The following NAT16 variants were observed in gnomAD, a reference collection of about 807,000 sequenced individuals.
The protein encoded by NAT16 is N-acetyltransferase 16 (putative), also known as probable N-acetyltransferase 16.
Under a neutral mutation model 15.9 loss-of-function variants are expected in NAT16, and 16 were observed. The observed-to-expected ratio is 1.01, with a 90% CI of 0.68 to 1.53. The LOEUF is 1.53. Among genes scored for constraint, NAT16 ranks in the 40% most tolerant of loss-of-function variants. The pLI is 0.00. For missense variants in NAT16, 572 were observed against 508.4 expected (o/e 1.13, Z -1.20); for synonymous variants, 260 against 241.9 (o/e 1.07, Z -0.69).
Position 101,172,640 on chromosome 7 carries a change from CA to C in NAT16, c.548del (p.Leu183TrpfsTer174), listed in dbSNP as rs1322902549. 5 of 1,515,294 alleles carry C rather than the reference CA, an allele frequency of 3.3e-6. No individual in the cohort carries two copies. The highest frequency in any genetic ancestry group is 2.9e-5 in the African/African-American group (2 of 69,524). 93.9% of individuals were successfully genotyped at this position (1,515,294 alleles called of 1,614,324 possible). On this transcript the variant is annotated frameshift_variant, in exon 4 of 4. Coordinates refer to ENST00000300303, the MANE Select transcript of NAT16 (RefSeq NM_198571.3). LOFTEE classifies it low-confidence loss of function (END_TRUNC). The surrounding 1 kb of genome is among the most constrained non-coding windows in gnomAD (Gnocchi z 4.2). ...GCAGCGCGGACGCGTTGAATCGGAC[CA>C]AAAGGATGCCCTGCGGGGGGCACGA... ...YRLITKQGIL[L>X]VRFNASALLA... is the part of the protein sequence containing the mutation.
rs193287099 is a variant in NAT16 at position 101,173,755 on chromosome 7, G to T, written c.313-235C>A. 23 of 531,392 alleles carry T rather than the reference G, an allele frequency of 4.3e-5. No homozygotes were observed. The East Asian group carries it at 7.1e-4, about 16-fold the overall frequency. The allele number at this position is 531,392 out of a possible 1,614,324, so 32.9% of individuals were successfully genotyped here. A position where few individuals can be genotyped will look rare whatever the true frequency, so the allele number is the denominator to read the frequency against. On this transcript the variant is annotated intron_variant, in intron 2 of 3. Coordinates refer to ENST00000300303, the MANE Select transcript of NAT16 (RefSeq NM_198571.3). ...TTATTTATTTTAAATTTAGGACAGG[G>T]TCTCCTCACCCAGGCTGGAGCGCAG...
Position 101,174,690 on chromosome 7 carries a change from G to A in NAT16, c.118C>T (p.Pro40Ser), listed in dbSNP as rs1323341352. 6.2e-7 allele frequency: 1 copy of A among 1,613,694 alleles called. No homozygotes were observed. Among genetic ancestry groups the A allele is most frequent in the Non-Finnish European group, 8.5e-7 (1 of 1,180,008 alleles). ...ETRPQEVEAEPRSGSGPEAEA... is the reference protein window; with the variant it reads ...ETRPQEVEAESRSGSGPEAEA... ...GCCTCAGGCCCCGATCCCGACCTGG[G>A]CTCGGCCTCCACCTCCTGTGGCCGG... Residue 40 changes from proline to serine, a missense_variant, in exon 2 of 4, where the codon CCC becomes TCC. Transcript: ENST00000300303.
chr7:101,174,112 G>T (rs572482166), intron 2 of NAT16: 80 of 295,630 alleles, frequency 2.7e-4, no homozygotes, highest in Middle Eastern at 1.8e-3. Flanking sequence ...CTCCTCCCCC[G>T]GGAGTTTGCC....
chr7:101,174,765 G>A lies in NAT16; in HGVS notation c.43C>T (p.Pro15Ser). 6.3e-7 allele frequency: 1 copy of A among 1,591,836 alleles called. No homozygotes were observed. The highest frequency in any genetic ancestry group is 8.5e-7 in the Non-Finnish European group (1 of 1,170,456). ...ASCGTATSEVPKPEKKTARDA... is the reference protein window; with the variant it reads ...ASCGTATSEVSKPEKKTARDA... ...CGGGCAGTCTTCTTTTCCGGCTTAG[G>A]GACCTCTGAGGTGGCTGTGCCACAG... The change falls in exon 2 of 4, where the codon CCT becomes TCT. Residue 15 changes from proline (P) to serine (S), a missense_variant. By Grantham distance (74) the Pro-to-Ser change is moderately conservative (BLOSUM62 -1). Transcript: ENST00000300303.
chr7:101,174,490 G>A lies in NAT16; in HGVS notation c.312+6C>T. ...CATGTCACCTGGGCCGTGCCCCCGG[G>A]CTCACCACGCCTCCGTTGCGCTTGG... On this transcript the variant is annotated splice_donor_region_variant and intron_variant, in intron 2 of 3. Coordinates refer to ENST00000300303, the MANE Select transcript of NAT16 (RefSeq NM_198571.3). The A allele has an allele frequency of 6.2e-7, 1 of 1,607,040 alleles. No homozygotes were observed. Among genetic ancestry groups the A allele is most frequent in the Non-Finnish European group, 8.5e-7 (1 of 1,177,052 alleles).
intron 1 of NAT16, among the ~76,000 whole-genome samples, chr7:101,177,011 G>A (rs534414728): frequency 9.9e-5 from 15 of 152,182 alleles, no homozygotes; most frequent in African/African-American, 3.4e-4. Context: ...GCCTAAACGC[G>A]GTATGCTTGC....
At position 101,172,590 on chromosome 7, in the gene NAT16, G is replaced by A. The variant is rs1286871088; in HGVS notation, c.599C>T (p.Ala200Val). The change falls in exon 4 of 4, where the codon GCG becomes GTG. Residue 200 changes from alanine (A) to valine (V), a missense_variant. By Grantham distance (64) the Ala-to-Val change is moderately conservative (BLOSUM62 0). Transcript: ENST00000300303. The surrounding 1 kb of genome is among the most constrained non-coding windows in gnomAD (Gnocchi z 4.2). ...GAAGGTGCCAGAGGTCCGCAGCGCCGCCAGCCGCGCGCCCAGCCCGGCCAG... is the reference window on the plus strand; with the variant it reads ...GAAGGTGCCAGAGGTCCGCAGCGCCACCAGCCGCGCGCCCAGCCCGGCCAG... ...ALLAGLGARL[A>V]ALRTSGTFSP... The A allele has an allele frequency of 2.0e-6, 3 of 1,527,424 alleles. No individual in the cohort carries two copies. Among genetic ancestry groups the A allele is most frequent in the Non-Finnish European group, 2.6e-6 (3 of 1,146,020 alleles). The allele number at this position is 1,527,424 out of a possible 1,614,324, so 94.6% of individuals were successfully genotyped here. A position where few individuals can be genotyped will look rare whatever the true frequency, so the allele number is the denominator to read the frequency against.
chr7:101,172,306 G>C lies in NAT16; in HGVS notation c.883C>G (p.Arg295Gly). ...CCGAAGGCGTCGATGTTGAGATAGC[G>C]CCAAGTGCCGTCCCCTCCGTGCGGG... is the stretch of plus-strand genomic sequence containing the variant. ...PIPHGGDGTW[R>G]YLNIDAFGSD... Residue 295 changes from arginine to glycine, a missense_variant, in exon 4 of 4, where the codon CGC (arginine) becomes GGC (glycine). Physicochemically the swap from Arg to Gly is moderately radical, Grantham distance 125 (BLOSUM62 -2). Transcript: ENST00000300303. The surrounding 1 kb of genome is among the most constrained non-coding windows in gnomAD (Gnocchi z 4.2). 1.2e-6 allele frequency: 2 copies of C among 1,610,710 alleles called. No individual in the cohort carries two copies. The highest frequency in any genetic ancestry group is 1.7e-6 in the Non-Finnish European group (2 of 1,179,056).
intron 1 of NAT16, among the ~76,000 whole-genome samples, chr7:101,175,885 G>T (rs1382466158): frequency 6.0e-5 from 9 of 148,874 alleles, no homozygotes; most frequent in African/African-American, 2.2e-4. Flanking sequence ...TCACACCACC[G>T]CACTCCAGCC....
At chr7:101,178,297 G>T (rs1339778849) in intron 1 of NAT16, among the ~76,000 whole-genome samples, 1 of 152,120 alleles carries the variant, frequency 6.6e-6, no homozygotes, top group Non-Finnish European at 1.5e-5. Context: ...CCATTTTGGG[G>T]GACATGAACA....
rs1797362651 is a variant in NAT16 at position 101,172,790 on chromosome 7, G to A, written c.538-139C>T. On this transcript the variant is annotated intron_variant, in intron 3 of 3. Transcript: ENST00000300303. This position sits in a 1 kb window ranked among gnomAD's most constrained non-coding sequence, Gnocchi z 4.2. ...GTCCCTCTGGAGGAGCGACCGTGAGGGCTCCGGGCCGAGTGGGGTATGGGA... is the reference window on the plus strand; with the variant it reads ...GTCCCTCTGGAGGAGCGACCGTGAGAGCTCCGGGCCGAGTGGGGTATGGGA... 4.4e-6 allele frequency: 3 copies of A among 687,422 alleles called. No homozygotes were observed. The highest frequency in any genetic ancestry group is 2.0e-5 in the South Asian group (1 of 49,448). The allele number at this position is 687,422 out of a possible 1,614,324, so 42.6% of individuals were successfully genotyped here.
Position 101,171,432 on chromosome 7 carries a change from G to T in NAT16, c.*647C>A, listed in dbSNP as rs1441493541. 2.6e-5 allele frequency: 4 copies of T among 152,616 alleles called. No homozygotes were observed. Among genetic ancestry groups the T allele is most frequent in the Non-Finnish European group, 5.9e-5 (4 of 68,236 alleles). 9.5% of individuals were successfully genotyped at this position (152,616 alleles called of 1,614,324 possible). ...GGAAGGAAAACAGGGACAGAAAAATGGGCACTGCGGTGTTAAGCGTCGTAG... is the reference window on the plus strand; with the variant it reads ...GGAAGGAAAACAGGGACAGAAAAATTGGCACTGCGGTGTTAAGCGTCGTAG... On this transcript the variant is annotated 3_prime_UTR_variant, in exon 4 of 4. Coordinates refer to ENST00000300303, the MANE Select transcript of NAT16 (RefSeq NM_198571.3).
At chr7:101,174,211 C>T (rs1460489566) in intron 2 of NAT16, 1 of 516,000 alleles carries the variant, frequency 1.9e-6, no homozygotes, top group African/African-American at 1.9e-5. Flanking sequence ...TCCTGCTCCC[C>T]ACCTCCTTTG....
chr7:101,173,534 C>T lies in NAT16; in HGVS notation c.313-14G>A. On this transcript the variant is annotated splice_polypyrimidine_tract_variant and intron_variant, in intron 2 of 3. Transcript: ENST00000300303. ...CTCCAGCGCGATCTGCGGACCGAGG[C>T]CGTTAGCGCGGGGCCCTCCCCGCCT... 1 of 1,560,640 alleles carries T rather than the reference C, an allele frequency of 6.4e-7. No individual in the cohort carries two copies. The highest frequency in any genetic ancestry group is 8.7e-7 in the Non-Finnish European group (1 of 1,153,650).
chr7:101,173,388 T>C lies in NAT16; in HGVS notation c.445A>G (p.Arg149Gly), dbSNP rs569010209. 36 of 1,613,984 alleles carry C rather than the reference T, an allele frequency of 2.2e-5. No homozygotes were observed. The East Asian group carries it at 7.4e-4, about 33-fold the overall frequency. ...LQRFCSQLVKRQHPGVKVARL... is the reference protein window; with the variant it reads ...LQRFCSQLVKGQHPGVKVARL... ...GCCACCTTGACCCCCGGGTGCTGTC[T>C]CTTGACCAGCTGCGAGCAGAAGCGC... Residue 149 changes from arginine (R) to glycine (G), a missense_variant, in exon 3 of 4, where the codon AGA (arginine) becomes GGA (glycine). Transcript: ENST00000300303.
chr7:101,174,472 C>G, intron 2 of NAT16, 24 bp downstream of exon 2: 2 of 1,592,728 alleles, frequency 1.3e-6, no homozygotes, highest in African/African-American at 2.7e-5. Flanking sequence ...CCCCATGTCA[C>G]CTGGGCCGTG....
intron 1 of NAT16, among the ~76,000 whole-genome samples, chr7:101,175,451 G>A (rs1797443343): frequency 6.6e-6 from 1 of 151,660 alleles, no homozygotes; most frequent in Non-Finnish European, 1.5e-5. Context: ...GGGAGTGGAG[G>A]TCTCCCAGCT....
chr7:101,173,153 G>A (rs560275079), intron 3 of NAT16, 143 bp downstream of exon 3: 6 of 745,206 alleles, frequency 8.1e-6, no homozygotes, highest in African/African-American at 5.2e-5. Context: ...TAAGGACTGG[G>A]AGTCCCAGGG....
rs777970646 is a variant in NAT16, at chr7:101,173,553, C to G, written c.313-33G>C. 6.0e-6 allele frequency: 9 copies of G among 1,509,622 alleles called. No individual in the cohort carries two copies. The South Asian group carries it at 6.4e-5, about 11-fold the overall frequency. The allele number at this position is 1,509,622 out of a possible 1,614,324, so 93.5% of individuals were successfully genotyped here. ...CCGAGGCCGTTAGCGCGGGGCCCTCCCCGCCTGCGCCCCTGCCAGGGCTGT... is the reference window on the plus strand; with the variant it reads ...CCGAGGCCGTTAGCGCGGGGCCCTCGCCGCCTGCGCCCCTGCCAGGGCTGT... On this transcript the variant is annotated intron_variant, in intron 2 of 3. Coordinates refer to ENST00000300303, the MANE Select transcript of NAT16 (RefSeq NM_198571.3).
Sources: gnomAD v4.1 joint callset for allele counts (sites outside exome capture counted in the v4.1 genomes callset) on GRCh38, gnomAD v4.1.1 for gene constraint, Gnocchi (gnomAD v3.1) non-coding constraint, MANE v1.5 for transcripts, NCBI Gene and HGNC (gene_info 2026-07-23, HGNC 2026-07-21) for gene names.